The following MYH13 variants were observed in gnomAD, a reference collection of about 807,000 sequenced individuals.
The protein encoded by MYH13 is myosin-13.
A neutral mutation model predicts 232.1 loss-of-function variants in MYH13; 177 were observed. The ratio of observed to expected loss-of-function variants is 0.76; its 90% CI spans 0.67 to 0.86. MYH13 has a LOEUF of 0.86. MYH13 is among the 40% of genes least tolerant of loss of function. The pLI, the probability that MYH13 is intolerant of heterozygous loss-of-function variation, is 0.00. For synonymous variants in MYH13, 884 were observed against 923.5 expected (o/e 0.96, Z 0.78); for missense variants, 2,246 against 2,405.9 (o/e 0.93, Z 1.39).
Position 10,321,639 on chromosome 17 carries a change from ATTTCT to A in MYH13, c.2999_3003del (p.Lys1000IlefsTer12). 6.2e-7 allele frequency: 1 copy of A among 1,613,518 alleles called. No homozygotes were observed. Among genetic ancestry groups the A allele is most frequent in the Non-Finnish European group, 8.5e-7 (1 of 1,179,664 alleles). On this transcript the variant is annotated frameshift_variant, in exon 24 of 41. Coordinates refer to ENST00000252172, the MANE Select transcript of MYH13 (RefSeq NM_003802.3). LOFTEE classifies it high-confidence loss of function. The stretch of plus-strand genomic sequence containing the variant: ...GTTTGCTGATGGGCCTCCTGTAGAG[ATTTCT>A]TTTCTTTGGTCAATTTGGAAATGTT...
chr17:10,356,420 G>C (rs1424070578), intron 8 of MYH13, among the ~76,000 whole-genome samples: 1 of 152,214 alleles, frequency 6.6e-6, no homozygotes, highest in Non-Finnish European at 1.5e-5. Flanking sequence ...AAGTAAATGG[G>C]AATGAGAAGA....
Position 10,301,554 on chromosome 17 carries a change from G to C in MYH13, c.5802+15C>G. 6.2e-7 allele frequency: 1 copy of C among 1,613,998 alleles called. No individual in the cohort carries two copies. Among genetic ancestry groups the C allele is most frequent in the East Asian group, 2.2e-5 (1 of 44,884 alleles). On this transcript the variant is annotated intron_variant, in intron 40 of 40. Transcript: ENST00000252172. ...GTTCTTAGCTGGCCCCTATATCTCA[G>C]GTACCTGCTCTTACCTGGCTGCCCA...
At chr17:10,302,484 C>T (rs767772774) in intron 39 of MYH13, among the ~76,000 whole-genome samples, 1 of 152,200 alleles carries the variant, frequency 6.6e-6, no homozygotes, top group Non-Finnish European at 1.5e-5. Flanking sequence ...ACAACATCTA[C>T]AAAATCTGAG....
intron 12 of MYH13, among the ~76,000 whole-genome samples, chr17:10,349,885 G>T (rs1403425253): frequency 6.6e-6 from 1 of 152,190 alleles, no homozygotes; most frequent in East Asian, 1.9e-4. Flanking sequence ...GAATTATCAA[G>T]AACGATCCAT....
At chr17:10,332,712 G>T (rs1406220693) in intron 19 of MYH13, among the ~76,000 whole-genome samples, 1 of 152,168 alleles carries the variant, frequency 6.6e-6, no homozygotes, top group East Asian at 1.9e-4. Flanking sequence ...AGCTCAGTGG[G>T]GAGGGGTGTG....
chr17:10,327,412 T>C (rs1054852515), intron 22 of MYH13, among the ~76,000 whole-genome samples: 1 of 151,814 alleles, frequency 6.6e-6, no homozygotes, highest in African/African-American at 2.4e-5. Flanking sequence ...TCCCAAAGTG[T>C]TGGGCTTACA....
At chr17:10,303,015 G>A (rs1906147913) in intron 39 of MYH13, among the ~76,000 whole-genome samples, 181 bp downstream of exon 39, 1 of 152,012 alleles carries the variant, frequency 6.6e-6, no homozygotes, top group Admixed American at 6.6e-5. Flanking sequence ...AGATGGTGAA[G>A]GTCGTGAAGG....
Position 10,328,058 on chromosome 17 carries a change from C to T in MYH13, c.2499G>A (p.Trp833Ter). Residue 833 changes from tryptophan (W) to a stop codon, truncating the protein, a stop_gained, in exon 22 of 41, where the codon TGG (tryptophan) becomes TGA (stop). Transcript: ENST00000252172. LOFTEE classifies it high-confidence loss of function. ...RSFMNVKHWP[W>*]MNLFFKIKPL... Reference sequence around the variant, plus strand: ...GCTTGATTTTGAAGAACAGGTTCATCCAGGGCCAGTGCTTGACGTTCATAA... The same window carrying T: ...GCTTGATTTTGAAGAACAGGTTCATTCAGGGCCAGTGCTTGACGTTCATAA... 1.9e-6 allele frequency: 3 copies of T among 1,614,144 alleles called. No individual in the cohort carries two copies. Among genetic ancestry groups the T allele is most frequent in the Non-Finnish European group, 2.5e-6 (3 of 1,180,022 alleles).
chr17:10,352,737 C>T (rs1051299459), intron 11 of MYH13, among the ~76,000 whole-genome samples: 5 of 152,094 alleles, frequency 3.3e-5, no homozygotes, highest in Non-Finnish European at 7.4e-5. Flanking sequence ...TGGATGGGGG[C>T]CTTGTAGCAG....
At chr17:10,344,229 C>G in intron 15 of MYH13, 120 bp from the exon 16 acceptor site, 1 of 1,400,328 alleles carries the variant, frequency 7.1e-7, no homozygotes, top group Non-Finnish European at 9.5e-7. Context: ...GGCATGTACG[C>G]TCGGTGAGAG....
At chr17:10,344,736 G>A (rs950709125) in intron 15 of MYH13, among the ~76,000 whole-genome samples, 1 of 149,292 alleles carries the variant, frequency 6.7e-6, no homozygotes, top group Non-Finnish European at 1.5e-5. Flanking sequence ...CAGGAGGATC[G>A]CTTGAACCTG....
intron 20 of MYH13, 108 bp from the exon 21 acceptor site, chr17:10,330,631 C>A: frequency 7.1e-7 from 1 of 1,406,952 alleles, no homozygotes; most frequent in Non-Finnish European, 9.5e-7. Context: ...TCTCAGAGCA[C>A]GGCAGGGGCA....
chr17:10,307,563 C>T (rs981980124), intron 35 of MYH13, among the ~76,000 whole-genome samples: 12 of 151,870 alleles, frequency 7.9e-5, no homozygotes, highest in Non-Finnish European at 1.5e-4. Flanking sequence ...AGAAGAAATT[C>T]AAATGGCCAA....
chr17:10,327,976 CAA>C lies in MYH13; in HGVS notation c.2579_2580del (p.Phe860Ter). The C allele has an allele frequency of 1.9e-6, 3 of 1,614,142 alleles. No homozygotes were observed. Among genetic ancestry groups the C allele is most frequent in the Non-Finnish European group, 1.7e-6 (2 of 1,180,028 alleles). Reference protein sequence around the residue: ...EKEMATMKEDFERTKEELARS... With the variant: ...EKEMATMKEDXERTKEELARS... The stretch of plus-strand genomic sequence containing the variant: ...CGGGCCAGTTCTTCCTTGGTCCTCT[CAA>C]AGTCTTCCTTCATGGTGGCCATCTC... On this transcript the variant is annotated frameshift_variant, in exon 22 of 41. Transcript: ENST00000252172. LOFTEE classifies it high-confidence loss of function.
Position 10,335,909 on chromosome 17 carries a change from C to G in MYH13, c.2057-2718G>C, listed in dbSNP as rs570346875. Among the ~76,000 whole-genome samples the G allele has an allele frequency of 4.6e-5, 7 of 152,278 alleles. No individual in the cohort carries two copies. The South Asian group carries it at 1.5e-3, about 32-fold the overall frequency. On this transcript the variant is annotated intron_variant, in intron 18 of 40. Transcript: ENST00000252172. ...AGGCATAGTTACAAGAGAATTGAAGCTTCTAGAGCCAGAAGAAAGCTGAAA... is the reference window on the plus strand; with the variant it reads ...AGGCATAGTTACAAGAGAATTGAAGGTTCTAGAGCCAGAAGAAAGCTGAAA...
intron 11 of MYH13, among the ~76,000 whole-genome samples, chr17:10,351,959 C>T (rs145930897): frequency 0.014 from 2,103 of 152,106 alleles, 24 homozygotes; most frequent in Non-Finnish European, 0.02. Flanking sequence ...GAGTGGCACC[C>T]CCTTTAGTGG....
At chr17:10,347,661 G>GCATTGAGCTCA (rs1567669039) in intron 12 of MYH13, among the ~76,000 whole-genome samples, 1 of 150,178 alleles carries the variant, frequency 6.7e-6, no homozygotes, top group African/African-American at 2.4e-5. Flanking sequence ...CTGGGGGCCT[G>GCATTGAGCTCA]CATTGAGCTC....
At chr17:10,345,139 CAG>C in intron 15 of MYH13, 61 bp downstream of exon 15, 1 of 1,612,996 alleles carries the variant, frequency 6.2e-7, no homozygotes, top group Non-Finnish European at 8.5e-7. Context: ...AGAAAAGAAT[CAG>C]AGCAAGAAGG....
At chr17:10,322,630 GTTT>G (rs769352001) in intron 23 of MYH13, among the ~76,000 whole-genome samples, 23,556 of 106,400 alleles carry the variant, frequency 0.22, 1,210 homozygotes, top group African/African-American at 0.27. Context: ...TGTTACAGTT[GTTT>G]TTTTTTTTTT....
Sources: allele counts gnomAD v4.1 joint callset (sites outside exome capture counted in the v4.1 genomes callset), GRCh38; gene constraint gnomAD v4.1.1; transcripts MANE v1.5; gene names NCBI Gene and HGNC (gene_info 2026-07-23, HGNC 2026-07-21).